Variants in PTPRD observed in about 807,000 individuals in gnomAD.
The protein encoded by PTPRD is protein tyrosine phosphatase receptor type D.
Under a neutral mutation model 214.5 loss-of-function variants are expected in PTPRD, and 34 were observed. The observed-to-expected ratio is 0.16, with a 90% CI of 0.12 to 0.21. PTPRD has a LOEUF of 0.21. PTPRD is among the 10% of genes least tolerant of loss of function. The pLI is 1.00. For synonymous variants in PTPRD, 1,128 were observed against 845.7 expected, an observed-to-expected ratio of 1.33 and a Z score of -5.79; for missense variants, 2,545 against 2,398.7, an observed-to-expected ratio of 1.06 and a Z score of -1.27.
At position 9,278,879 on chromosome 9, in the gene PTPRD, T is replaced by A. The variant is rs1017170301; in HGVS notation, c.-202-95516A>T. On this transcript the variant is annotated intron_variant, in intron 9 of 45. Coordinates refer to ENST00000381196, the MANE Select transcript of PTPRD (RefSeq NM_002839.4). ...TACACATACACAAACACACACAGCA[T>A]TTTGATTAGAGCAGAGAATTTGTAT... Among the ~76,000 whole-genome samples, 110 of 151,318 alleles carry A rather than the reference T, an allele frequency of 7.3e-4. 1 individual carries two copies. Among genetic ancestry groups the A allele is most frequent in the Admixed American group, 1.5e-3 (23 of 15,112 alleles).
intron 7 of PTPRD, among the ~76,000 whole-genome samples, chr9:9,615,777 T>C (rs1172976866): frequency 1.3e-5 from 2 of 152,162 alleles, no homozygotes; most frequent in African/African-American, 2.4e-5. Flanking sequence ...AAAAATCTTA[T>C]AAAGTGAGTA....
Position 9,356,310 on chromosome 9 carries a change from G to C in PTPRD, c.-203+41139C>G, listed in dbSNP as rs181316678. 4.8e-4 allele frequency among the ~76,000 whole-genome samples: 72 copies of C among 151,474 alleles called. 1 individual carries two copies. Among genetic ancestry groups the C allele is most frequent in the African/African-American group, 1.4e-3 (58 of 41,452 alleles). On this transcript the variant is annotated intron_variant, in intron 9 of 45. Coordinates refer to ENST00000381196, the MANE Select transcript of PTPRD (RefSeq NM_002839.4). ...AAAGGAAAAATTGATGTAGAAGAGA[G>C]AGGAGAGCTGCTAGAATGAGGTCTT...
intron 14 of PTPRD, among the ~76,000 whole-genome samples, chr9:8,549,848 C>G (rs187136243): frequency 1.3e-5 from 2 of 152,266 alleles, no homozygotes; most frequent in East Asian, 3.9e-4. Context: ...ATTCTTAACT[C>G]TTGCTTCAAG....
At chr9:10,127,475 G>T (rs1305882424) in intron 3 of PTPRD, among the ~76,000 whole-genome samples, 1 of 152,156 alleles carries the variant, frequency 6.6e-6, no homozygotes, top group Non-Finnish European at 1.5e-5. Context: ...TAATAAAGAA[G>T]AGAGGTTTTG....
At chr9:9,926,055 C>A (rs539946713) in intron 5 of PTPRD, among the ~76,000 whole-genome samples, 2 of 152,078 alleles carry the variant, frequency 1.3e-5, no homozygotes, top group African/African-American at 4.8e-5. Context: ...GGTCTAGACT[C>A]CCAGGCTCAA....
rs577141417 is a variant in PTPRD at position 10,460,503 on chromosome 9, A to C, written c.-599-119486T>G. ...ATTACAAAGCTATAGCAATCAAAAGAATGTGATACTTGCATACAGATACAC... is the reference window on the plus strand; with the variant it reads ...ATTACAAAGCTATAGCAATCAAAAGCATGTGATACTTGCATACAGATACAC... On this transcript the variant is annotated intron_variant, in intron 2 of 45. Transcript: ENST00000381196. 8.5e-5 allele frequency among the ~76,000 whole-genome samples: 13 copies of C among 152,290 alleles called. No homozygotes were observed. In the South Asian group the frequency reaches 2.1e-3, roughly 24 times the overall value.
intron 4 of PTPRD, among the ~76,000 whole-genome samples, chr9:9,946,139 T>C (rs2092519163): frequency 6.7e-6 from 1 of 148,272 alleles, no homozygotes; most frequent in Non-Finnish European, 1.5e-5. Flanking sequence ...ACTAAATCAT[T>C]ACCTTGTACC....
At chr9:10,365,994 G>T (rs1289536722) in intron 2 of PTPRD, among the ~76,000 whole-genome samples, 1 of 152,102 alleles carries the variant, frequency 6.6e-6, no homozygotes, top group African/African-American at 2.4e-5. Flanking sequence ...ATGCAGAATG[G>T]TGTAGGCTGT....
At chr9:9,648,366 A>G (rs1216428422) in intron 7 of PTPRD, among the ~76,000 whole-genome samples, 1 of 152,210 alleles carries the variant, frequency 6.6e-6, no homozygotes, top group Non-Finnish European at 1.5e-5. Context: ...AATCTGATAC[A>G]GTGTTCTTCC....
chr9:9,653,426 G>C (rs2096426037), intron 7 of PTPRD, among the ~76,000 whole-genome samples: 1 of 140,936 alleles, frequency 7.1e-6, no homozygotes, highest in African/African-American at 2.6e-5. Context: ...AAATATAATG[G>C]TTAGCAAATA....
At chr9:8,430,467 C>A (rs2094970718) in intron 35 of PTPRD, among the ~76,000 whole-genome samples, 1 of 149,112 alleles carries the variant, frequency 6.7e-6, no homozygotes. Flanking sequence ...TTTGCAGAGA[C>A]AGTTTCACCA....
intron 30 of PTPRD, among the ~76,000 whole-genome samples, chr9:8,475,830 G>A (rs2096752723): frequency 1.3e-5 from 2 of 151,952 alleles, no homozygotes; most frequent in Non-Finnish European, 2.9e-5. Flanking sequence ...CACTCTTCTG[G>A]CCTCATTCCA....
chr9:9,463,424 G>A (rs2093847932), intron 8 of PTPRD, among the ~76,000 whole-genome samples: 1 of 152,062 alleles, frequency 6.6e-6, no homozygotes, highest in Middle Eastern at 3.2e-3. Context: ...GAGCTCCAGA[G>A]AGAGAGAGAG....
chr9:9,581,450 T>G (rs2090741835), intron 7 of PTPRD, among the ~76,000 whole-genome samples: 1 of 152,142 alleles, frequency 6.6e-6, no homozygotes, highest in South Asian at 2.1e-4. Flanking sequence ...AACTTTGAAC[T>G]CTTATCTTTC....
chr9:9,520,094 T>C (rs1244597757), intron 8 of PTPRD, among the ~76,000 whole-genome samples: 1 of 151,986 alleles, frequency 6.6e-6, no homozygotes, highest in Non-Finnish European at 1.5e-5. Context: ...TTAGTTTTTG[T>C]ACCTACTCGT....
chr9:10,588,946 C>G (rs1007650365), intron 2 of PTPRD, among the ~76,000 whole-genome samples: 1 of 151,966 alleles, frequency 6.6e-6, no homozygotes, highest in Non-Finnish European at 1.5e-5. Context: ...AGAATCTAAG[C>G]CTCATCTGGG....
chr9:9,349,913 G>T (rs2050452638), intron 9 of PTPRD, among the ~76,000 whole-genome samples: 1 of 152,052 alleles, frequency 6.6e-6, no homozygotes, highest in African/African-American at 2.4e-5. Flanking sequence ...TTAAAAGGAA[G>T]CACTGTCTAT....
chr9:10,189,891 G>T (rs573414547), intron 3 of PTPRD, among the ~76,000 whole-genome samples: 1 of 152,124 alleles, frequency 6.6e-6, no homozygotes, highest in East Asian at 1.9e-4. Context: ...GTACAGCAGG[G>T]TATGCATAAA....
rs568383694 is a variant in PTPRD, at chr9:9,801,163, C to A, written c.-367-34312G>T. Among the ~76,000 whole-genome samples the A allele has an allele frequency of 2.6e-5, 4 of 152,102 alleles. No individual in the cohort carries two copies. The South Asian group carries it at 8.3e-4, about 32-fold the overall frequency. ...ATGTAACAACTTTGATTTTAGAGGT[C>A]TTTTTAGTGACAAATATAAAAGCAA... On this transcript the variant is annotated intron_variant, in intron 5 of 45. Coordinates refer to ENST00000381196, the MANE Select transcript of PTPRD (RefSeq NM_002839.4).
Sources: gnomAD v4.1 joint callset for allele counts (sites outside exome capture counted in the v4.1 genomes callset) on GRCh38, gnomAD v4.1.1 for gene constraint, MANE v1.5 for transcripts, NCBI Gene and HGNC (gene_info 2026-07-23, HGNC 2026-07-21) for gene names.